The following LHX8 variants were observed in gnomAD, a reference collection of about 807,000 sequenced individuals.
The protein encoded by LHX8 is LIM homeobox 8, also known as LIM/homeobox protein Lhx8.
Under a neutral mutation model 40.3 loss-of-function variants are expected in LHX8, and 12 were observed. The ratio of observed to expected loss-of-function variants is 0.30; its 90% CI spans 0.19 to 0.48. The LOEUF is 0.48. Ranked by LOEUF, LHX8 falls within the 20% of genes least tolerant of loss-of-function variation. The pLI, the probability that LHX8 is intolerant of heterozygous loss-of-function variation, is 0.99. For synonymous variants in LHX8, 179 were observed against 162.0 expected (o/e 1.10, Z -0.80); for missense variants, 344 against 433.7 (o/e 0.79, Z 1.84).
intron 6 of LHX8, among the ~76,000 whole-genome samples, chr1:75,148,147 T>C (rs1244472184): frequency 6.6e-6 from 1 of 152,214 alleles, no homozygotes; most frequent in African/African-American, 2.4e-5. Flanking sequence ...TCTGTTGATC[T>C]GTATACTATT....
At chr1:75,199,027 T>C in the LHX8 span, among the ~76,000 whole-genome samples, 2 of 152,220 alleles carry the variant, frequency 1.3e-5, no homozygotes, top group Non-Finnish European at 2.9e-5. Context: ...TTTGTTTGTT[T>C]AGGCTAAATG....
Position 75,143,943 on chromosome 1 carries a change from C to G in LHX8, c.679C>G (p.Leu227Val). 2 of 1,612,692 alleles carry G rather than the reference C, an allele frequency of 1.2e-6. No individual in the cohort carries two copies. Among genetic ancestry groups the G allele is most frequent in the Non-Finnish European group, 1.7e-6 (2 of 1,178,944 alleles). Reference protein sequence around the residue: ...RARTSFTADQLQVMQAQFAQD... With the variant: ...RARTSFTADQVQVMQAQFAQD... ...TCGGACCAGCTTTACAGCAGATCAG[C>G]TTCAGGTAAGCATAACAATGAATTT... Residue 227 changes from leucine to valine, a missense_variant, in exon 6 of 9, where the codon CTT (leucine) becomes GTT (valine). Transcript: ENST00000356261.
At chr1:75,135,405 C>T (rs1250261808) in intron 1 of LHX8, among the ~76,000 whole-genome samples, 1 of 152,244 alleles carries the variant, frequency 6.6e-6, no homozygotes. Flanking sequence ...CGGAGCTGTT[C>T]TGTTTAAACG....
chr1:75,198,492 G>A, the LHX8 span, among the ~76,000 whole-genome samples: 1 of 152,174 alleles, frequency 6.6e-6, no homozygotes, highest in Admixed American at 6.5e-5. Flanking sequence ...GTGAGGAGGG[G>A]GCTTGCTTCA....
rs894855604 is a variant in LHX8 at position 75,134,769 on chromosome 1, C to T, written c.-198C>T. ...CCTTGAAACTCGAGTTGTTTGGGCT[C>T]CTAAACAAGGTTCAGAAACTACCTG... On this transcript the variant is annotated 5_prime_UTR_variant, in exon 1 of 9. Transcript: ENST00000356261. The T allele has an allele frequency of 1.7e-5, 4 of 231,672 alleles. No individual in the cohort carries two copies. The South Asian group carries it at 4.7e-4, about 27-fold the overall frequency. The allele number at this position is 231,672 out of a possible 1,614,324, so 14.4% of individuals were successfully genotyped here. A position where few individuals can be genotyped will look rare whatever the true frequency, so the allele number is the denominator to read the frequency against.
chr1:75,155,678 T>G (rs2100359355), intron 7 of LHX8, among the ~76,000 whole-genome samples: 1 of 152,302 alleles, frequency 6.6e-6, no homozygotes, highest in Non-Finnish European at 1.5e-5. Flanking sequence ...TGAATTTGCT[T>G]CTTTTATTTC....
chr1:75,130,775 C>T (rs770104008), upstream of LHX8: 1 of 1,599,616 alleles, frequency 6.3e-7, no homozygotes, highest in Non-Finnish European at 8.6e-7. Flanking sequence ...CTCCTAAAGT[C>T]TTTTTCCAGA....
the LHX8 span, among the ~76,000 whole-genome samples, chr1:75,197,761 T>G: frequency 6.6e-6 from 1 of 152,170 alleles, no homozygotes; most frequent in South Asian, 2.1e-4. Flanking sequence ...GCCTGCAGTT[T>G]TCAGGGGTTT....
intron 7 of LHX8, among the ~76,000 whole-genome samples, chr1:75,150,058 A>G (rs1024273765): frequency 1.3e-5 from 2 of 152,134 alleles, no homozygotes; most frequent in Admixed American, 6.5e-5. Flanking sequence ...TCTAGGCAAG[A>G]TGGTGAAACC....
At chr1:75,159,784 A>G (rs1354626918) in intron 8 of LHX8, 1 of 152,110 alleles carries the variant, frequency 6.6e-6, no homozygotes, top group Admixed American at 6.6e-5. Flanking sequence ...GAGGCTGTGG[A>G]TGATATCTTT....
chr1:75,183,633 A>G, the LHX8 span, among the ~76,000 whole-genome samples: 4 of 152,246 alleles, frequency 2.6e-5, no homozygotes, highest in Non-Finnish European at 5.9e-5. Flanking sequence ...GAAGCACTAA[A>G]TATGGAAAGG....
In LHX8 at chr1:75,128,884, A is replaced by C. The variant is rs191006109; in HGVS notation, c.-490+276A>C. Among the ~76,000 whole-genome samples the C allele has an allele frequency of 3.7e-3, 558 of 152,296 alleles. 4 individuals carry two copies. Among genetic ancestry groups the C allele is most frequent in the African/African-American group, 0.013 (540 of 41,548 alleles). On this transcript the variant is annotated intron_variant, in intron 1 of 9. Coordinates refer to the LHX8 transcript ENST00000294638. The stretch of plus-strand genomic sequence containing the variant: ...TACAGGCAGCTGCACTCATCTCTGG[A>C]GCCTCTGCAGCCCAGGGAGGTGCGT...
At chr1:75,181,031 CA>C in the LHX8 span, among the ~76,000 whole-genome samples, 59,250 of 151,970 alleles carry the variant, frequency 0.39, 11,885 homozygotes, top group Non-Finnish European at 0.43. Context: ...AGGTGCAAAA[CA>C]GCAAATATTG....
In LHX8 at chr1:75,161,054, A is replaced by G. The variant is rs759045426; in HGVS notation, c.*159A>G. 43 of 609,226 alleles carry G rather than the reference A, an allele frequency of 7.1e-5. No homozygotes were observed. Among genetic ancestry groups the G allele is most frequent in the Non-Finnish European group, 1.1e-4 (37 of 342,724 alleles). The allele number at this position is 609,226 out of a possible 1,614,324, so 37.7% of individuals were successfully genotyped here. ...GGTATGTATCTATAGTTGGCCTGCA[A>G]GACACTTTTATTAATTCTTCATTTT... On this transcript the variant is annotated 3_prime_UTR_variant, in exon 9 of 9. Coordinates refer to ENST00000356261, the MANE Select transcript of LHX8 (RefSeq NM_001256114.2).
chr1:75,129,530 G>A (rs1210433838), upstream of LHX8, among the ~76,000 whole-genome samples: 7 of 152,080 alleles, frequency 4.6e-5, no homozygotes, highest in African/African-American at 1.7e-4. Context: ...GTGGGCGGTC[G>A]GCGCAGGCTT....
upstream of LHX8, chr1:75,132,000 A>G (rs1169489355): frequency 6.6e-6 from 1 of 152,214 alleles, no homozygotes; most frequent in Non-Finnish European, 1.5e-5. Flanking sequence ...TCTTCGTTCA[A>G]AATTGGAATC....
intron 3 of LHX8, among the ~76,000 whole-genome samples, 168 bp from the exon 4 acceptor site, chr1:75,140,817 C>T (rs983252701): frequency 3.9e-5 from 6 of 151,992 alleles, no homozygotes; most frequent in Non-Finnish European, 8.8e-5. Flanking sequence ...TATCCAGATA[C>T]ATGTTTACAA....
intron 7 of LHX8, among the ~76,000 whole-genome samples, chr1:75,153,257 T>C (rs1431701188): frequency 1.3e-5 from 2 of 151,944 alleles, no homozygotes; most frequent in East Asian, 1.9e-4. Flanking sequence ...AGGTGCGTGA[T>C]ACCACACGCA....
rs1408331859 is a variant in LHX8, at chr1:75,136,656, G to T, written c.42G>T (p.Gly14=). 1.3e-6 allele frequency: 2 copies of T among 1,548,644 alleles called. No individual in the cohort carries two copies. Among genetic ancestry groups the T allele is most frequent in the Non-Finnish European group, 1.7e-6 (2 of 1,146,760 alleles). Reference sequence around the variant, plus strand: ...GGCGGACTACAGCCCTGGCGGCCGGGAGGACTCGCAAAGGCGCCGGGGAAG... The same window carrying T: ...GGCGGACTACAGCCCTGGCGGCCGGTAGGACTCGCAAAGGCGCCGGGGAAG... ...ECGRTTALAA[G]RTRKGAGEEG... Residue 14 remains glycine, a synonymous_variant, in exon 2 of 9, where the codon GGG becomes GGT. Transcript: ENST00000356261.
Sources: allele counts gnomAD v4.1 joint callset (sites outside exome capture counted in the v4.1 genomes callset), GRCh38; gene constraint gnomAD v4.1.1; transcripts MANE v1.5; gene names NCBI Gene and HGNC (gene_info 2026-07-23, HGNC 2026-07-21).